CACNA1C: variants seen among roughly 807,000 people sequenced by gnomAD.
The protein encoded by CACNA1C is calcium voltage-gated channel subunit alpha1 C, also known as voltage-dependent L-type calcium channel subunit alpha-1C.
A neutral mutation model predicts 229.0 loss-of-function variants in CACNA1C; 30 were observed. The observed-to-expected ratio is 0.13, with a 90% confidence interval of 0.10 to 0.18. CACNA1C has a LOEUF of 0.18. Among genes scored for constraint, CACNA1C ranks in the 10% least tolerant of loss-of-function variants. CACNA1C has a pLI of 1.00. For synonymous variants in CACNA1C, 1,114 were observed against 1,132.5 expected, an observed-to-expected ratio of 0.98 and a Z score of 0.33; for missense variants, 1,658 against 2,845.0, an observed-to-expected ratio of 0.58 and a Z score of 9.49.
intron 3 of CACNA1C, among the ~76,000 whole-genome samples, chr12:2,306,923 C>T (rs989678609): frequency 1.3e-5 from 2 of 152,194 alleles, no homozygotes; most frequent in African/African-American, 2.4e-5. Flanking sequence ...AAACTAGTAG[C>T]GTCCATTGGC....
intron 3 of CACNA1C, among the ~76,000 whole-genome samples, chr12:2,221,354 C>A (rs2061425849): frequency 6.6e-6 from 1 of 151,912 alleles, no homozygotes; most frequent in Admixed American, 6.6e-5. Context: ...GGTTGGGAGG[C>A]CAGTTGGGTA....
At position 2,162,837 on chromosome 12, in the gene CACNA1C, A is replaced by G. The variant is rs142276843; in HGVS notation, c.477+42407A>G. 5.7e-3 allele frequency among the ~76,000 whole-genome samples: 874 copies of G among 152,240 alleles called. 10 individuals carry two copies. Among genetic ancestry groups the G allele is most frequent in the African/African-American group, 0.018 (762 of 41,532 alleles). ...TGAGATGAAATTTCCTTGTTGGTAT[A>G]CTTTTGTGAACCACTCCATTGAGAA... On this transcript the variant is annotated intron_variant, in intron 3 of 46. Transcript: ENST00000399655.
At chr12:2,191,501 T>G (rs578022938) in intron 3 of CACNA1C, among the ~76,000 whole-genome samples, 2 of 152,242 alleles carry the variant, frequency 1.3e-5, no homozygotes, top group African/African-American at 4.8e-5. Flanking sequence ...CTGATGCTTT[T>G]TCTTTAATGT....
In CACNA1C at chr12:2,091,146, A is replaced by G. The variant is rs150881467; in HGVS notation, c.50-24078A>G. On this transcript the variant is annotated intron_variant, in intron 1 of 46. Transcript: ENST00000399655. ...GCAGAGGGGGCCAGATCAACCCTGC[A>G]CCAGCAGAGGCATAGGGCAGCAGGG... is the stretch of plus-strand genomic sequence containing the variant. Among the ~76,000 whole-genome samples, 338 of 152,314 alleles carry G rather than the reference A, an allele frequency of 2.2e-3. 1 individual carries two copies. Among genetic ancestry groups the G allele is most frequent in the African/African-American group, 7.7e-3 (321 of 41,560 alleles).
Position 2,159,603 on chromosome 12 carries a change from CTT to C in CACNA1C, c.477+39189_477+39190del, listed in dbSNP as rs575455560. On this transcript the variant is annotated intron_variant, in intron 3 of 46. Transcript: ENST00000399655. ...ATCTCCTTTAGATTTCTTTCTTTCT[CTT>C]TTTTTTTTTTTTTTTGAGATGGGAG... 9.4e-3 allele frequency among the ~76,000 whole-genome samples: 1,295 copies of C among 138,294 alleles called. 22 individuals carry two copies. Among genetic ancestry groups the C allele is most frequent in the African/African-American group, 0.032 (1,200 of 37,022 alleles). The allele number at this position is 138,294 out of a possible 152,430, so 90.7% of individuals were successfully genotyped here.
At chr12:2,182,512 G>T (rs954693160) in intron 3 of CACNA1C, among the ~76,000 whole-genome samples, 17 of 151,660 alleles carry the variant, frequency 1.1e-4, no homozygotes, top group Non-Finnish European at 1.5e-5. Flanking sequence ...GGGGTCGCTG[G>T]TATCTTATAG....
In CACNA1C at chr12:2,691,313, T is replaced by C. The variant is rs2097785708; in HGVS notation, c.*114T>C. ...GGAGTTAACCGGAACAGCGTCTTCA[T>C]TCATTTCTGTTGGGACCAGACGCGG... On this transcript the variant is annotated 3_prime_UTR_variant, in exon 47 of 47. Coordinates refer to ENST00000399655, the MANE Select transcript of CACNA1C (RefSeq NM_000719.7). 8.8e-7 allele frequency: 1 copy of C among 1,136,196 alleles called. No individual in the cohort carries two copies. Among genetic ancestry groups the C allele is most frequent in the African/African-American group, 1.6e-5 (1 of 63,160 alleles). The allele number at this position is 1,136,196 out of a possible 1,614,324, so 70.4% of individuals were successfully genotyped here.
chr12:2,241,726 C>A (rs1159776806), intron 3 of CACNA1C, among the ~76,000 whole-genome samples: 1 of 152,194 alleles, frequency 6.6e-6, no homozygotes, highest in Admixed American at 6.5e-5. Flanking sequence ...TATCCTTAAT[C>A]ATTCATGGGG....
intron 30 of CACNA1C, among the ~76,000 whole-genome samples, chr12:2,640,500 C>A (rs144017617): frequency 6.6e-6 from 1 of 152,228 alleles, no homozygotes; most frequent in African/African-American, 2.4e-5. Flanking sequence ...GGATCCGTGT[C>A]TCTGGTTACA....
In CACNA1C at chr12:2,222,736, A is replaced by G. The variant is rs376870784; in HGVS notation, c.477+102306A>G. Reference sequence around the variant, plus strand: ...TAAGTGAGCAATCTGAACATGAGGGACAATGAGTTGTCCTGAGTGGCAGGC... The same window carrying G: ...TAAGTGAGCAATCTGAACATGAGGGGCAATGAGTTGTCCTGAGTGGCAGGC... On this transcript the variant is annotated intron_variant, in intron 3 of 46. Coordinates refer to ENST00000399655, the MANE Select transcript of CACNA1C (RefSeq NM_000719.7). Among the ~76,000 whole-genome samples, 18 of 152,330 alleles carry G rather than the reference A, an allele frequency of 1.2e-4. No individual in the cohort carries two copies. In the South Asian group the frequency reaches 3.7e-3, roughly 32 times the overall value.
chr12:2,264,797 T>A (rs2081695619), intron 3 of CACNA1C, among the ~76,000 whole-genome samples: 1 of 152,226 alleles, frequency 6.6e-6, no homozygotes, highest in South Asian at 2.1e-4. Context: ...GGCCCCCCTT[T>A]GGCTTTGCTA....
Position 2,605,550 on chromosome 12 carries a change from G to T in CACNA1C, c.3049-129G>T, listed in dbSNP as rs193110365. 7.5e-4 allele frequency: 529 copies of T among 706,746 alleles called. 1 individual carries two copies. The African/African-American group carries it at 8.5e-3, about 11-fold the overall frequency. 43.8% of individuals were successfully genotyped at this position (706,746 alleles called of 1,614,324 possible). On this transcript the variant is annotated intron_variant, in intron 23 of 46. Transcript: ENST00000399655. This position sits in a 1 kb window ranked among gnomAD's most constrained non-coding sequence, Gnocchi z 6.2. ...TCCATCACTTCCCATGTGACTTTGGGAGCGTGGCTTTGCCCCTCTCAGCCC... is the reference window on the plus strand; with the variant it reads ...TCCATCACTTCCCATGTGACTTTGGTAGCGTGGCTTTGCCCCTCTCAGCCC...
At chr12:2,270,728 G>C (rs745934845) in intron 3 of CACNA1C, among the ~76,000 whole-genome samples, 1 of 152,184 alleles carries the variant, frequency 6.6e-6, no homozygotes, top group African/African-American at 2.4e-5. Flanking sequence ...AGTAGGGCTC[G>C]TGGTCCTCAA....
chr12:2,454,097 G>T (rs2099401468), intron 4 of CACNA1C, among the ~76,000 whole-genome samples: 1 of 152,164 alleles, frequency 6.6e-6, no homozygotes, highest in Non-Finnish European at 1.5e-5. Context: ...TGACATTTGT[G>T]TCATCAGATC....
intron 5 of CACNA1C, among the ~76,000 whole-genome samples, chr12:2,472,598 C>G (rs1201617805): frequency 2.0e-5 from 3 of 149,278 alleles, no homozygotes; most frequent in African/African-American, 7.5e-5. Flanking sequence ...GTAGCACTCT[C>G]TCTATATATA....
At chr12:1,975,945 A>G (rs1350903022) in intron 1 of CACNA1C, among the ~76,000 whole-genome samples, 1 of 152,158 alleles carries the variant, frequency 6.6e-6, no homozygotes, top group Non-Finnish European at 1.5e-5. Flanking sequence ...GTTTACTCAC[A>G]CTGTGTATCT....
rs1603450126 is a variant in CACNA1C at position 2,678,713 on chromosome 12, G to T, written c.5092-731G>T. Among the ~76,000 whole-genome samples the T allele has an allele frequency of 6.6e-6, 1 of 152,178 alleles. No individual in the cohort carries two copies. Among genetic ancestry groups the T allele is most frequent in the South Asian group, 2.1e-4 (1 of 4,828 alleles). On this transcript the variant is annotated intron_variant, in intron 41 of 46. Transcript: ENST00000399655. This position sits in a 1 kb window ranked among gnomAD's most constrained non-coding sequence, Gnocchi z 4.1. The stretch of plus-strand genomic sequence containing the variant: ...ACTGGGAGACATTCGTCACTGAGTG[G>T]CCTCAGGGACATGGCATGGTGGTGA...
intron 7 of CACNA1C, among the ~76,000 whole-genome samples, chr12:2,502,409 G>A (rs569550061): frequency 1.7e-3 from 260 of 152,290 alleles, no homozygotes; most frequent in African/African-American, 5.9e-3. Flanking sequence ...AATAATACAC[G>A]TAATAAATAG....
chr12:2,670,285 G>A (rs2096487886), intron 38 of CACNA1C, among the ~76,000 whole-genome samples: 1 of 152,116 alleles, frequency 6.6e-6, no homozygotes, highest in Non-Finnish European at 1.5e-5. Context: ...GTTCCTCGGG[G>A]CAACAGAAGG....
Sources: gnomAD v4.1 joint callset for allele counts (sites outside exome capture counted in the v4.1 genomes callset) on GRCh38, gnomAD v4.1.1 for gene constraint, Gnocchi (gnomAD v3.1) non-coding constraint, MANE v1.5 for transcripts, NCBI Gene and HGNC (gene_info 2026-07-23, HGNC 2026-07-21) for gene names.